THADA: variants seen among roughly 807,000 people sequenced by gnomAD.
THADA encodes tRNA (32-2'-O)-methyltransferase regulator THADA.
In THADA, 213 loss-of-function variants were observed where a neutral mutation model predicts 219.8. The ratio of observed to expected loss-of-function variants is 0.97; its 90% CI spans 0.87 to 1.09. THADA has a LOEUF of 1.09. Among genes scored for constraint, THADA ranks in the 50% least tolerant of loss-of-function variants. The pLI is 0.00. For synonymous variants in THADA, 1,018 were observed against 828.9 expected, an observed-to-expected ratio of 1.23 and a Z score of -3.92; for missense variants, 2,956 against 2,311.3, an observed-to-expected ratio of 1.28 and a Z score of -5.72.
At chr2:43,534,780 G>C (rs1408494710) in intron 21 of THADA, among the ~76,000 whole-genome samples, 2 of 152,096 alleles carry the variant, frequency 1.3e-5, no homozygotes, top group African/African-American at 2.4e-5. Context: ...ATAAACATGG[G>C]ATTGCAACAC....
chr2:43,463,806 TAACTA>T, intron 26 of THADA, among the ~76,000 whole-genome samples: 1 of 152,302 alleles, frequency 6.6e-6, no homozygotes, highest in African/African-American at 2.4e-5. Context: ...TTTCTTCCAA[TAACTA>T]AAGTATATGA....
chr2:43,349,210 G>A (rs901080718), intron 29 of THADA, among the ~76,000 whole-genome samples: 1 of 152,168 alleles, frequency 6.6e-6, no homozygotes, highest in Non-Finnish European at 1.5e-5. Flanking sequence ...TCAGTGAGTA[G>A]GCTGATTTCT....
chr2:43,471,884 A>G (rs1481600307), intron 26 of THADA, among the ~76,000 whole-genome samples: 1 of 152,204 alleles, frequency 6.6e-6, no homozygotes, highest in African/African-American at 2.4e-5. Context: ...ATAAGTTGCT[A>G]ATGCCTGCAC....
At position 43,570,465 on chromosome 2, in the gene THADA, C is replaced by G. The variant is rs1699168845; in HGVS notation, c.2110G>C (p.Glu704Gln). The change falls in exon 14 of 38, where the codon GAG (glutamate) becomes CAG (glutamine). Residue 704 changes from glutamate (E) to glutamine (Q), a missense_variant. Physicochemically the swap from Glu to Gln is conservative, Grantham distance 29 (BLOSUM62 2). Coordinates refer to ENST00000405975, the MANE Select transcript of THADA (RefSeq NM_022065.5). The stretch of plus-strand genomic sequence containing the variant: ...GGTTCACGTTTGGATTTACTCTGCT[C>G]CAATTTATAAAGTACCTGAGAACTT... ...QESSQVLYKL[E>Q]QSKSKREPEN... 3 of 1,613,124 alleles carry G rather than the reference C, an allele frequency of 1.9e-6. No homozygotes were observed. Among genetic ancestry groups the G allele is most frequent in the Non-Finnish European group, 2.5e-6 (3 of 1,179,622 alleles).
chr2:43,467,161 GAC>G (rs1684345552), intron 26 of THADA, among the ~76,000 whole-genome samples: 1 of 106,798 alleles, frequency 9.4e-6, no homozygotes, highest in African/African-American at 3.6e-5. Context: ...CAGCCTGGGC[GAC>G]AGAGCGAGAC....
chr2:43,553,219 CAA>C (rs1371380733), intron 17 of THADA, among the ~76,000 whole-genome samples: 1 of 152,118 alleles, frequency 6.6e-6, no homozygotes, highest in African/African-American at 2.4e-5. Flanking sequence ...CATTCTTGTA[CAA>C]GTTTTTGTTT....
intron 26 of THADA, among the ~76,000 whole-genome samples, chr2:43,434,447 C>A (rs1479425315): frequency 6.6e-6 from 1 of 152,148 alleles, no homozygotes; most frequent in Admixed American, 6.5e-5. Context: ...CCAAGACCAC[C>A]CTGGCCCGCC....
intron 29 of THADA, among the ~76,000 whole-genome samples, chr2:43,353,764 T>G (rs140707073): frequency 1.3e-5 from 2 of 152,126 alleles, no homozygotes; most frequent in Non-Finnish European, 2.9e-5. Flanking sequence ...CAAGTGATTC[T>G]ACTGCCTCAG....
chr2:43,463,716 C>T (rs1409355415), intron 26 of THADA, among the ~76,000 whole-genome samples: 1 of 151,954 alleles, frequency 6.6e-6, no homozygotes, highest in African/African-American at 2.4e-5. Context: ...GCCAATGGTG[C>T]ACCACGATCT....
intron 25 of THADA, chr2:43,492,139 C>A (rs1687714164): frequency 6.6e-6 from 1 of 151,972 alleles, no homozygotes; most frequent in Non-Finnish European, 1.5e-5. Flanking sequence ...ATGGTGAAAC[C>A]CCATCTCTAC....
intron 31 of THADA, among the ~76,000 whole-genome samples, chr2:43,294,031 G>T (rs992986745): frequency 6.6e-6 from 1 of 152,140 alleles, no homozygotes; most frequent in African/African-American, 2.4e-5. Context: ...TTTTGACGTG[G>T]TCTACTGATG....
At chr2:43,340,965 C>T (rs1667000606) in intron 30 of THADA, among the ~76,000 whole-genome samples, 1 of 152,172 alleles carries the variant, frequency 6.6e-6, no homozygotes, top group African/African-American at 2.4e-5. Context: ...CACTTATACC[C>T]AGTTCTATAA....
chr2:43,554,557 A>G (rs541545830), intron 17 of THADA, among the ~76,000 whole-genome samples: 2 of 152,342 alleles, frequency 1.3e-5, no homozygotes, highest in East Asian at 3.9e-4. Context: ...TAAACATGGG[A>G]AAAAATAATT....
intron 28 of THADA, among the ~76,000 whole-genome samples, chr2:43,402,759 C>A (rs565848558): frequency 6.6e-6 from 1 of 152,166 alleles, no homozygotes; most frequent in Non-Finnish European, 1.5e-5. Context: ...GATTCTCAGG[C>A]CATGAGAAGT....
intron 26 of THADA, among the ~76,000 whole-genome samples, chr2:43,473,252 C>A (rs1685127542): frequency 6.6e-6 from 1 of 152,114 alleles, no homozygotes; most frequent in Non-Finnish European, 1.5e-5. Flanking sequence ...ATTCTATAAG[C>A]TTTTCCTATT....
At chr2:43,535,784 T>G (rs1243264352) in intron 21 of THADA, among the ~76,000 whole-genome samples, 1 of 152,040 alleles carries the variant, frequency 6.6e-6, no homozygotes, top group Non-Finnish European at 1.5e-5. Flanking sequence ...TTTATTGTTT[T>G]GAAGGTCTTT....
intron 28 of THADA, among the ~76,000 whole-genome samples, chr2:43,399,681 G>A (rs1674545407): frequency 6.7e-6 from 1 of 149,120 alleles, no homozygotes; most frequent in South Asian, 2.1e-4. Flanking sequence ...AAAGCAGAGA[G>A]CTATGGTTAC....
At chr2:43,458,971 A>G (rs1683324832) in intron 26 of THADA, among the ~76,000 whole-genome samples, 1 of 152,204 alleles carries the variant, frequency 6.6e-6, no homozygotes, top group African/African-American at 2.4e-5. Context: ...GCTGGTTCAC[A>G]AAACAGAAAA....
intron 20 of THADA, among the ~76,000 whole-genome samples, chr2:43,547,754 G>T (rs1276585393): frequency 1.3e-5 from 2 of 152,104 alleles, no homozygotes; most frequent in Non-Finnish European, 2.9e-5. Flanking sequence ...GGTTATTCTA[G>T]TTATACATTT....
Sources: allele counts gnomAD v4.1 joint callset (sites outside exome capture counted in the v4.1 genomes callset), GRCh38; gene constraint gnomAD v4.1.1; transcripts MANE v1.5; gene names NCBI Gene and HGNC (gene_info 2026-07-23, HGNC 2026-07-21).